The following RALGPS1 variants were observed in gnomAD, a reference collection of about 807,000 sequenced individuals.
The protein encoded by RALGPS1 is ras-specific guanine nucleotide-releasing factor RalGPS1.
RALGPS1 carries 19 observed loss-of-function variants against 78.8 expected under a neutral mutation model. The observed-to-expected ratio is 0.24, with a 90% confidence interval of 0.17 to 0.35. The LOEUF (loss-of-function observed/expected upper bound fraction) is 0.35. Among genes scored for constraint, RALGPS1 ranks in the 10% least tolerant of loss-of-function variants. RALGPS1 has a pLI of 1.00. For synonymous variants in RALGPS1, 228 were observed against 256.3 expected (o/e 0.89, Z 1.06); for missense variants, 454 against 688.3 (o/e 0.66, Z 3.81).
rs142882591 is a variant in RALGPS1 at position 126,974,533 on chromosome 9, CT to C, written c.166-3152del. Among the ~76,000 whole-genome samples, 19 of 150,432 alleles carry C rather than the reference CT, an allele frequency of 1.3e-4. No homozygotes were observed. The South Asian group carries it at 1.5e-3, about 12-fold the overall frequency. ...TACTACATTTAACATATGCAAAAAA[CT>C]TTTTTTTTTCCTTTTGGCTAACCAA... is the stretch of plus-strand genomic sequence containing the variant. On this transcript the variant is annotated intron_variant, in intron 3 of 18. Coordinates refer to ENST00000259351, the MANE Select transcript of RALGPS1 (RefSeq NM_014636.3).
chr9:126,942,017 C>T (rs944750196), intron 1 of RALGPS1, among the ~76,000 whole-genome samples: 1 of 152,214 alleles, frequency 6.6e-6, no homozygotes, highest in African/African-American at 2.4e-5. Context: ...AAGAAAGATG[C>T]TGCTCTTAGT....
At chr9:126,948,378 G>A (rs1003943719) in intron 1 of RALGPS1, among the ~76,000 whole-genome samples, 1 of 152,172 alleles carries the variant, frequency 6.6e-6, no homozygotes, top group African/African-American at 2.4e-5. Context: ...TTAGCTGGGC[G>A]TGGTGGTGCA....
intron 8 of RALGPS1, among the ~76,000 whole-genome samples, chr9:127,153,977 G>A (rs974863128): frequency 6.6e-6 from 1 of 152,220 alleles, no homozygotes; most frequent in African/African-American, 2.4e-5. Context: ...GCAGAGGAGA[G>A]GCAATACAAG....
At chr9:127,029,207 T>C (rs1436604300) in intron 4 of RALGPS1, among the ~76,000 whole-genome samples, 6 of 152,156 alleles carry the variant, frequency 3.9e-5, no homozygotes, top group Admixed American at 3.9e-4. Context: ...TTTGCCCATC[T>C]CCTTAGCCCA....
intron 3 of RALGPS1, among the ~76,000 whole-genome samples, chr9:126,968,638 G>A (rs1012872372): frequency 1.2e-4 from 19 of 152,264 alleles, no homozygotes; most frequent in African/African-American, 4.3e-4. Context: ...GAAGAAAGTC[G>A]TCTCTTCACA....
intron 11 of RALGPS1, among the ~76,000 whole-genome samples, chr9:127,176,223 C>A (rs1288031558): frequency 2.0e-5 from 3 of 152,188 alleles, no homozygotes; most frequent in Non-Finnish European, 1.5e-5. Flanking sequence ...ATTAAAATAT[C>A]TCTTGCAGTC....
chr9:126,975,337 G>A (rs910255042), intron 3 of RALGPS1, among the ~76,000 whole-genome samples: 1 of 152,218 alleles, frequency 6.6e-6, no homozygotes, highest in African/African-American at 2.4e-5. Context: ...AGTGTGAAAT[G>A]TAAGGTCACT....
At chr9:127,178,097 C>T in intron 11 of RALGPS1, 2 of 1,208,992 alleles carry the variant, frequency 1.7e-6, no homozygotes, top group South Asian at 2.8e-5. Flanking sequence ...GAAGTGTTAC[C>T]AATCCCAGGG....
chr9:127,129,635 G>A (rs1283598096), intron 8 of RALGPS1, among the ~76,000 whole-genome samples: 1 of 152,210 alleles, frequency 6.6e-6, no homozygotes. Context: ...CACCCCAGAT[G>A]GAGGTGCTGG....
intron 3 of RALGPS1, among the ~76,000 whole-genome samples, chr9:126,968,060 T>C (rs2039708987): frequency 6.7e-6 from 1 of 149,876 alleles, no homozygotes; most frequent in African/African-American, 2.5e-5. Flanking sequence ...TGGAGTGCAG[T>C]GGCAGGATCT....
intron 4 of RALGPS1, among the ~76,000 whole-genome samples, chr9:127,026,311 G>C (rs2045955229): frequency 6.6e-6 from 1 of 152,160 alleles, no homozygotes. Context: ...TGATTAGATA[G>C]TGCCCACCCA....
rs2053609051 is a variant in RALGPS1 at position 127,100,484 on chromosome 9, G to T, written c.610+31128G>T. The stretch of plus-strand genomic sequence containing the variant: ...CTGTTGGGCAGGAGGAGAAACAGGG[G>T]CTTTAAAGACATTTTAAAAAAGAGT... On this transcript the variant is annotated intron_variant, in intron 8 of 18. Transcript: ENST00000259351. 2.0e-5 allele frequency among the ~76,000 whole-genome samples: 3 copies of T among 152,194 alleles called. No homozygotes were observed. In the South Asian group the frequency reaches 6.2e-4, roughly 31 times the overall value.
intron 4 of RALGPS1, among the ~76,000 whole-genome samples, chr9:127,003,036 T>C (rs1009137787): frequency 1.3e-5 from 2 of 152,202 alleles, no homozygotes; most frequent in Non-Finnish European, 2.9e-5. Context: ...ACTTCCACAA[T>C]GGTTGAACTA....
chr9:126,986,526 G>C (rs1221037854), intron 4 of RALGPS1, among the ~76,000 whole-genome samples: 1 of 152,188 alleles, frequency 6.6e-6, no homozygotes, highest in East Asian at 1.9e-4. Flanking sequence ...TCAAGGTGGT[G>C]TTTTGTCTCT....
intron 8 of RALGPS1, among the ~76,000 whole-genome samples, chr9:127,101,976 T>C (rs2053777228): frequency 6.6e-6 from 1 of 152,114 alleles, no homozygotes; most frequent in Non-Finnish European, 1.5e-5. Context: ...TCTTGAGATA[T>C]AAGATGAGGA....
intron 1 of RALGPS1, among the ~76,000 whole-genome samples, chr9:126,925,788 A>G: frequency 6.6e-6 from 1 of 152,154 alleles, no homozygotes; most frequent in South Asian, 2.1e-4. Flanking sequence ...CTTTCCTGCT[A>G]GGGGAGTCAG....
intron 1 of RALGPS1, among the ~76,000 whole-genome samples, chr9:126,952,099 C>T (rs2037880241): frequency 6.6e-6 from 1 of 152,172 alleles, no homozygotes; most frequent in East Asian, 1.9e-4. Flanking sequence ...CTTAGGAATC[C>T]AACTTACAAG....
chr9:127,116,379 C>T (rs779498441), intron 8 of RALGPS1, among the ~76,000 whole-genome samples: 1 of 152,118 alleles, frequency 6.6e-6, no homozygotes, highest in Non-Finnish European at 1.5e-5. Flanking sequence ...GACAAGGACA[C>T]TGCTGTTACT....
intron 4 of RALGPS1, among the ~76,000 whole-genome samples, chr9:127,023,457 C>T (rs1328136620): frequency 6.6e-6 from 1 of 152,084 alleles, no homozygotes; most frequent in South Asian, 2.1e-4. Context: ...ATTTTTCTTC[C>T]TCTTTCCTTG....
Sources: allele counts gnomAD v4.1 joint callset (sites outside exome capture counted in the v4.1 genomes callset), GRCh38; gene constraint gnomAD v4.1.1; transcripts MANE v1.5; gene names NCBI Gene and HGNC (gene_info 2026-07-23, HGNC 2026-07-21).